The following SYNE1 variants were observed in gnomAD, a reference collection of about 807,000 sequenced individuals.
The protein encoded by SYNE1 is nesprin-1.
A neutral mutation model predicts 1,111.0 loss-of-function variants in SYNE1; 616 were observed. The ratio of observed to expected loss-of-function variants is 0.55; its 90% CI spans 0.52 to 0.59. The LOEUF (loss-of-function observed/expected upper bound fraction) is 0.59, where lower values mean the gene tolerates loss of function less well. SYNE1 is among the 20% of genes least tolerant of loss of function. SYNE1 has a pLI of 0.00. For synonymous variants in SYNE1, 3,855 were observed against 3,825.8 expected, an observed-to-expected ratio of 1.01 and a Z score of -0.28; for missense variants, 10,006 against 10,417.0, an observed-to-expected ratio of 0.96 and a Z score of 1.72.
chr6:152,632,948 C>G (rs943725390), intron 2 of SYNE1, among the ~76,000 whole-genome samples: 3 of 152,094 alleles, frequency 2.0e-5, no homozygotes, highest in Admixed American at 1.3e-4. Flanking sequence ...CAAGTGTGCT[C>G]TTCTGTTCCA....
intron 7 of SYNE1, 64 bp downstream of exon 7, chr6:152,510,947 A>G (rs1046825558): frequency 3.5e-6 from 5 of 1,428,130 alleles, no homozygotes; most frequent in Admixed American, 1.7e-5. Context: ...GCATTATTAA[A>G]ATGGCCACCA....
chr6:152,195,870 C>A (rs1457191814), intron 127 of SYNE1, among the ~76,000 whole-genome samples: 3 of 152,248 alleles, frequency 2.0e-5, no homozygotes, highest in Non-Finnish European at 2.9e-5. Flanking sequence ...TTCTTCTCTT[C>A]AGGGCAATGA....
intron 55 of SYNE1, among the ~76,000 whole-genome samples, chr6:152,383,269 C>T (rs1188530698): frequency 1.3e-5 from 2 of 152,212 alleles, no homozygotes; most frequent in East Asian, 3.9e-4. Context: ...TTTGTCAACC[C>T]AGGAAGCAGC....
chr6:152,377,988 G>T (rs2097327917), intron 56 of SYNE1, among the ~76,000 whole-genome samples: 1 of 152,050 alleles, frequency 6.6e-6, no homozygotes, highest in Non-Finnish European at 1.5e-5. Flanking sequence ...CTTAGGACTT[G>T]AAAAGTACAC....
chr6:152,571,454 T>C (rs1032788975), intron 3 of SYNE1, among the ~76,000 whole-genome samples: 2 of 152,168 alleles, frequency 1.3e-5, no homozygotes, highest in African/African-American at 4.8e-5. Context: ...ATGAATCCTG[T>C]AGCACCACGA....
At position 152,132,338 on chromosome 6, in the gene SYNE1, C is replaced by G. The variant is rs534116497; in HGVS notation, c.26002-124G>C. 3.7e-4 allele frequency: 318 copies of G among 865,594 alleles called. 5 individuals are homozygous for G. In the South Asian group the frequency reaches 4.2e-3, roughly 11 times the overall value. The allele number at this position is 865,594 out of a possible 1,614,324, so 53.6% of individuals were successfully genotyped here. ...CATGTCTCCACCATAAAAATCAAAC[C>G]ATTCCTTGGGGAAAATGGAACCAGA... is the stretch of plus-strand genomic sequence containing the variant. On this transcript the variant is annotated intron_variant, in intron 143 of 145. Coordinates refer to ENST00000367255, the MANE Select transcript of SYNE1 (RefSeq NM_182961.4).
chr6:152,408,783 G>A (rs533316320), intron 44 of SYNE1, among the ~76,000 whole-genome samples: 11 of 152,088 alleles, frequency 7.2e-5, no homozygotes, highest in South Asian at 6.2e-4. Context: ...GAGAAACCCC[G>A]TCTCTACTAA....
chr6:152,337,839 T>C (rs9478316), intron 75 of SYNE1, among the ~76,000 whole-genome samples: 90,305 of 152,098 alleles, frequency 0.59, 26,996 homozygotes, highest in Non-Finnish European at 0.62. Context: ...CAATAAATCA[T>C]TTCTGTAAAA....
chr6:152,616,941 C>T (rs1425984787), intron 3 of SYNE1, among the ~76,000 whole-genome samples: 1 of 152,066 alleles, frequency 6.6e-6, no homozygotes, highest in African/African-American at 2.4e-5. Context: ...GTGCTGGATC[C>T]TGAAAATAAG....
At chr6:152,202,859 G>C (rs2075798377) in intron 126 of SYNE1, among the ~76,000 whole-genome samples, 1 of 152,062 alleles carries the variant, frequency 6.6e-6, no homozygotes, top group South Asian at 2.1e-4. Context: ...GCTTTATCTT[G>C]TTCATGCTGA....
intron 90 of SYNE1, among the ~76,000 whole-genome samples, chr6:152,308,995 C>T (rs1589751971): frequency 6.6e-6 from 1 of 152,102 alleles, no homozygotes; most frequent in Non-Finnish European, 1.5e-5. Context: ...AGGTAAGACA[C>T]TTATCTAAGT....
intron 6 of SYNE1, among the ~76,000 whole-genome samples, chr6:152,514,459 C>T (rs1214775953): frequency 6.6e-6 from 1 of 152,022 alleles, no homozygotes; most frequent in Non-Finnish European, 1.5e-5. Context: ...AGGGGAACAT[C>T]ACACACCAGT....
chr6:152,510,256 G>A lies in SYNE1; in HGVS notation c.518C>T (p.Thr173Ile), dbSNP rs1290469262. 1.2e-6 allele frequency: 2 copies of A among 1,613,832 alleles called. No individual in the cohort carries two copies. The highest frequency in any genetic ancestry group is 1.7e-6 in the Non-Finnish European group (2 of 1,179,956). The change falls in exon 8 of 146, where the codon ACC becomes ATC. Residue 173 changes from threonine (T) to isoleucine (I), a missense_variant. By Grantham distance (89) the Thr-to-Ile change is moderately conservative. This residue lies in a region of SYNE1 where 1,971 missense variants were observed against 2,084.1 expected (regional missense o/e 0.95). Coordinates refer to ENST00000367255, the MANE Select transcript of SYNE1 (RefSeq NM_182961.4). ...TPSPPSKRKV[T>I]TKIQGNAKKA... ...CTTAGCATTTCCTTGGATCTTGGTG[G>A]TCACCTTCCGTTTACTTGGTGGGCT...
intron 2 of SYNE1, among the ~76,000 whole-genome samples, chr6:152,629,537 GA>G (rs1565299799): frequency 0.023 from 1,149 of 49,058 alleles, 34 homozygotes; most frequent in Non-Finnish European, 0.03. Flanking sequence ...GGGGGGGGGG[GA>G]GGGGGAGGGG....
At chr6:152,343,879 C>G (rs2096584428) in intron 74 of SYNE1, among the ~76,000 whole-genome samples, 1 of 152,158 alleles carries the variant, frequency 6.6e-6, no homozygotes, top group African/African-American at 2.4e-5. Flanking sequence ...CATTCTCTTT[C>G]TAGTCTACCA....
At chr6:152,521,000 C>G (rs573008457) in intron 5 of SYNE1, among the ~76,000 whole-genome samples, 1 of 152,228 alleles carries the variant, frequency 6.6e-6, no homozygotes, top group African/African-American at 2.4e-5. Context: ...CACCATTAAT[C>G]CCATCCTCCT....
chr6:152,412,165 T>C (rs1303960419), intron 42 of SYNE1, among the ~76,000 whole-genome samples: 2 of 152,134 alleles, frequency 1.3e-5, no homozygotes, highest in African/African-American at 4.8e-5. Flanking sequence ...CTCACACCTG[T>C]AATCCTAGCA....
rs2154239333 is a variant in SYNE1 at position 152,444,445 on chromosome 6, A to T, written c.3803T>A (p.Leu1268Gln). 3 of 1,613,994 alleles carry T rather than the reference A, an allele frequency of 1.9e-6. No individual in the cohort carries two copies. The South Asian group carries it at 3.3e-5, about 18-fold the overall frequency. Residue 1268 changes from leucine to glutamine, a missense_variant, in exon 30 of 146, where the codon CTG becomes CAG. Physicochemically the swap from Leu to Gln is moderately radical, Grantham distance 113. This residue lies in a region of SYNE1 where 1,971 missense variants were observed against 2,084.1 expected (regional missense o/e 0.95). Transcript: ENST00000367255. ...QAEKILDTEN[L>Q]FEAQQLLLHH... ...AAGAAGTAACTGCTGTGCTTCAAACAGATTTTCAGTATCCAAGATCTTCTC... is the reference window on the plus strand; with the variant it reads ...AAGAAGTAACTGCTGTGCTTCAAACTGATTTTCAGTATCCAAGATCTTCTC...
intron 108 of SYNE1, among the ~76,000 whole-genome samples, chr6:152,239,185 G>T (rs1442140291): frequency 6.6e-6 from 1 of 152,104 alleles, no homozygotes; most frequent in Non-Finnish European, 1.5e-5. Flanking sequence ...CCAAAGTGCT[G>T]GGATGACAGG....
Sources: allele counts gnomAD v4.1 joint callset (sites outside exome capture counted in the v4.1 genomes callset), GRCh38; gene constraint gnomAD v4.1.1; regional missense constraint gnomAD v4.1.1; transcripts MANE v1.5; gene names NCBI Gene and HGNC (gene_info 2026-07-23, HGNC 2026-07-21).